FAAH2: variants seen among roughly 807,000 people sequenced by gnomAD.
FAAH2 encodes fatty acid amide hydrolase 2.
Under a neutral mutation model 36.9 loss-of-function variants are expected in FAAH2, and 60 were observed. That is an observed-to-expected ratio of 1.63 (90% confidence interval 1.32 to 2.02). The LOEUF (loss-of-function observed/expected upper bound fraction) is 2.02. FAAH2 is among the 30% of genes most tolerant of loss of function. The probability of loss-of-function intolerance (pLI) is 0.00; values close to 1 mark genes in which losing one functional copy is unlikely to be tolerated. For missense variants in FAAH2, 689 were observed against 397.5 expected, an observed-to-expected ratio of 1.73 and a Z score of -6.23; for synonymous variants, 214 against 143.8, an observed-to-expected ratio of 1.49 and a Z score of -3.49.
intron 5 of FAAH2, among the ~76,000 whole-genome samples, chrX:57,364,880 A>G (rs2054375789): frequency 9.0e-6 from 1 of 111,415 alleles, no homozygotes; most frequent in South Asian, 3.7e-4. Flanking sequence ...TTGTCTTGGT[A>G]TTGATTTCTA....
the FAAH2 span, among the ~76,000 whole-genome samples, chrX:57,239,079 C>A: frequency 1.8e-5 from 2 of 111,789 alleles, no homozygotes; most frequent in African/African-American, 6.5e-5. Flanking sequence ...ATCTAGTACA[C>A]CATTGATAGG....
the FAAH2 span, among the ~76,000 whole-genome samples, chrX:57,229,874 C>T: frequency 7.2e-5 from 8 of 111,479 alleles, no homozygotes; most frequent in African/African-American, 2.3e-4. Flanking sequence ...ACACTTTATT[C>T]TTGCTTTTAT....
At chrX:57,464,350 C>A (rs2147226400) in intron 10 of FAAH2, among the ~76,000 whole-genome samples, 1 of 110,401 alleles carries the variant, frequency 9.1e-6, no homozygotes, top group African/African-American at 3.3e-5. Context: ...GTGCAGCAAA[C>A]CACCATAGCA....
intron 10 of FAAH2, among the ~76,000 whole-genome samples, chrX:57,482,380 G>T (rs1174128497): frequency 8.9e-6 from 1 of 111,746 alleles, no homozygotes; most frequent in Non-Finnish European, 1.9e-5. Flanking sequence ...GGCCCCGGTG[G>T]TGTAGGTACA....
chrX:57,218,329 T>C, the FAAH2 span, among the ~76,000 whole-genome samples: 1 of 111,962 alleles, frequency 8.9e-6, no homozygotes, highest in Admixed American at 9.5e-5. Flanking sequence ...TTTTGTTGAC[T>C]CTGGGTTTGT....
At chrX:57,394,368 G>C (rs2055241671) in intron 7 of FAAH2, 10 of 1,188,805 alleles carry the variant, frequency 8.4e-6, no homozygotes, top group South Asian at 1.8e-5. Flanking sequence ...AGGCGTTCTA[G>C]TGCTGACAGC....
the FAAH2 span, among the ~76,000 whole-genome samples, chrX:57,258,025 C>T: frequency 9.0e-6 from 1 of 111,440 alleles, no homozygotes; most frequent in Non-Finnish European, 1.9e-5. Context: ...TAGTTGCATC[C>T]GAGTTGCTGA....
intron 4 of FAAH2, among the ~76,000 whole-genome samples, chrX:57,338,707 G>A (rs1247217403): frequency 9.0e-6 from 1 of 110,926 alleles, no homozygotes; most frequent in African/African-American, 3.3e-5. Flanking sequence ...AACAAGGAAA[G>A]TGAAGAACTT....
intron 10 of FAAH2, among the ~76,000 whole-genome samples, chrX:57,477,161 C>T (rs369942478): frequency 9.1e-6 from 1 of 110,249 alleles, no homozygotes; most frequent in Non-Finnish European, 1.9e-5. Context: ...TTCCTGGAGT[C>T]ATTGATTTTT....
intron 7 of FAAH2, among the ~76,000 whole-genome samples, chrX:57,429,907 T>C (rs1216056110): frequency 9.0e-6 from 1 of 110,930 alleles, no homozygotes; most frequent in Non-Finnish European, 1.9e-5. Flanking sequence ...CTGGAGGCCA[T>C]TGTCTTAAGT....
chrX:57,261,801 G>A, the FAAH2 span, among the ~76,000 whole-genome samples: 1 of 110,208 alleles, frequency 9.1e-6, no homozygotes, highest in African/African-American at 3.3e-5. Flanking sequence ...TAATGAGTTA[G>A]GAAGCAGGAA....
intron 7 of FAAH2, chrX:57,381,474 G>A: frequency 1.8e-6 from 1 of 553,122 alleles, no homozygotes; most frequent in Non-Finnish European, 2.2e-6. Flanking sequence ...TGGGAAAGAA[G>A]AATAATAAGG....
chrX:57,261,552 CAAAAAA>C, the FAAH2 span, among the ~76,000 whole-genome samples: 17 of 23,388 alleles, frequency 7.3e-4, no homozygotes, highest in African/African-American at 2.7e-3. Context: ...GACTCTGTCT[CAAAAAA>C]AAAAAAAAAA....
chrX:57,461,193 C>T (rs776316424), intron 10 of FAAH2, among the ~76,000 whole-genome samples: 46 of 109,930 alleles, frequency 4.2e-4, no homozygotes, highest in Non-Finnish European at 7.6e-4. Flanking sequence ...TAGACTCCCA[C>T]ACAATAATAG....
At chrX:57,474,887 A>G (rs944112175) in intron 10 of FAAH2, among the ~76,000 whole-genome samples, 9 of 111,999 alleles carry the variant, frequency 8.0e-5, no homozygotes, top group Non-Finnish European at 1.3e-4. Flanking sequence ...AATAATCGCC[A>G]TTCTAACTGG....
chrX:57,397,041 T>C (rs981359307), intron 7 of FAAH2, among the ~76,000 whole-genome samples: 1 of 112,042 alleles, frequency 8.9e-6, no homozygotes, highest in African/African-American at 3.2e-5. Context: ...TTAGGATAGT[T>C]ATATTTCTCA....
chrX:57,149,941 G>C, the FAAH2 span, among the ~76,000 whole-genome samples: 1 of 111,709 alleles, frequency 9.0e-6, no homozygotes, highest in African/African-American at 3.3e-5. Context: ...ATGTGTCCCA[G>C]AGATTCTGGT....
At chrX:57,248,359 G>A in the FAAH2 span, among the ~76,000 whole-genome samples, 2 of 111,820 alleles carry the variant, frequency 1.8e-5, no homozygotes, top group Admixed American at 9.5e-5. Flanking sequence ...TAGGAGTAAG[G>A]TTAGGCAAAG....
At chrX:57,280,603 G>A in the FAAH2 span, among the ~76,000 whole-genome samples, 4 of 109,303 alleles carry the variant, frequency 3.7e-5, no homozygotes, top group African/African-American at 1.0e-4. Context: ...ATATATTGCT[G>A]GTGGCATAAA....
Sources: gnomAD v4.1 joint callset for allele counts (sites outside exome capture counted in the v4.1 genomes callset) on GRCh38, gnomAD v4.1.1 for gene constraint, MANE v1.5 for transcripts, NCBI Gene and HGNC (gene_info 2026-07-23, HGNC 2026-07-21) for gene names.